The following DYNC2H1 variants were observed in gnomAD, a reference collection of about 807,000 sequenced individuals.
The protein encoded by DYNC2H1 is cytoplasmic dynein 2 heavy chain 1.
Under a neutral mutation model 570.0 loss-of-function variants are expected in DYNC2H1, and 410 were observed. The ratio of observed to expected loss-of-function variants is 0.72; its 90% CI spans 0.66 to 0.78. The LOEUF (loss-of-function observed/expected upper bound fraction) is 0.78, where lower values mean the gene tolerates loss of function less well. Among genes scored for constraint, DYNC2H1 ranks in the 30% least tolerant of loss-of-function variants. DYNC2H1 has a pLI of 0.00. For synonymous variants in DYNC2H1, 1,688 were observed against 1,677.6 expected (o/e 1.01, Z -0.15); for missense variants, 4,865 against 5,046.4 (o/e 0.96, Z 1.09).
intron 87 of DYNC2H1, among the ~76,000 whole-genome samples, chr11:103,457,600 T>C (rs1398530734): frequency 6.6e-6 from 1 of 152,158 alleles, no homozygotes; most frequent in African/African-American, 2.4e-5. Flanking sequence ...TTTTATACTT[T>C]TTGACTCTTA....
chr11:103,390,860 A>C (rs942555452), intron 83 of DYNC2H1, among the ~76,000 whole-genome samples: 25 of 152,218 alleles, frequency 1.6e-4, no homozygotes, highest in Admixed American at 1.3e-3. Flanking sequence ...TTCTGCCAAG[A>C]GATCAGCTGT....
At chr11:103,385,278 T>G (rs1941824814) in intron 83 of DYNC2H1, among the ~76,000 whole-genome samples, 1 of 152,148 alleles carries the variant, frequency 6.6e-6, no homozygotes, top group South Asian at 2.1e-4. Context: ...CTATCTCTCT[T>G]TTCTGGAACT....
At chr11:103,128,170 T>C (rs180953009) in intron 12 of DYNC2H1, among the ~76,000 whole-genome samples, 1 of 152,192 alleles carries the variant, frequency 6.6e-6, no homozygotes, top group African/African-American at 2.4e-5. Context: ...TGGGAGACAA[T>C]TTGAAAGTTT....
At chr11:103,283,841 GA>G (rs919619533) in intron 73 of DYNC2H1, among the ~76,000 whole-genome samples, 2 of 151,054 alleles carry the variant, frequency 1.3e-5, no homozygotes, top group African/African-American at 2.4e-5. Flanking sequence ...TAAAAGAAAT[GA>G]AAAAAAGGGG....
chr11:103,219,143 G>A (rs652834), intron 55 of DYNC2H1, among the ~76,000 whole-genome samples: 141,942 of 152,260 alleles, frequency 0.93, 66,192 homozygotes, highest in African/African-American at 0.94. Context: ...CTTTAATGTC[G>A]GCTATTTGGG....
rs1160724694 is a variant in DYNC2H1, at chr11:103,199,344, A to G, written c.7956A>G (p.Leu2652=). 3 of 1,612,246 alleles carry G rather than the reference A, an allele frequency of 1.9e-6. No homozygotes were observed. The highest frequency in any genetic ancestry group is 1.7e-5 in the Admixed American group (1 of 60,002). The change falls in exon 49 of 89, where the codon CTA becomes CTG. Residue 2652 remains leucine (L), a synonymous_variant. Coordinates refer to ENST00000375735, the MANE Select transcript of DYNC2H1 (RefSeq NM_001377.3). This position sits in a 1 kb window ranked among gnomAD's most constrained non-coding sequence, Gnocchi z 4.6. ...RVLSFPGGSL[L]LAGRSGVGRR... ...TGAGTTTCCCTGGAGGTTCACTTCT[A>G]TTAGCAGGACGCAGTGGTGTAGGTC...
intron 85 of DYNC2H1, among the ~76,000 whole-genome samples, chr11:103,438,246 T>G (rs1349879049): frequency 6.6e-6 from 1 of 152,078 alleles, no homozygotes; most frequent in Non-Finnish European, 1.5e-5. Flanking sequence ...GATATCCATC[T>G]CCCTGAGGTA....
chr11:103,168,635 A>T, intron 31 of DYNC2H1, 120 bp from the exon 32 acceptor site: 1 of 1,053,646 alleles, frequency 9.5e-7, no homozygotes, highest in Non-Finnish European at 1.4e-6. Flanking sequence ...TATACCATTC[A>T]TATGTGTCAT....
intron 83 of DYNC2H1, among the ~76,000 whole-genome samples, chr11:103,386,886 A>T (rs942975871): frequency 6.6e-6 from 1 of 151,164 alleles, no homozygotes; most frequent in Non-Finnish European, 1.5e-5. Context: ...ACATTTTCTT[A>T]ATCCAGTCTA....
intron 69 of DYNC2H1, among the ~76,000 whole-genome samples, chr11:103,258,557 C>T (rs186790920): frequency 8.7e-5 from 13 of 148,576 alleles, no homozygotes; most frequent in Admixed American, 5.9e-4. Flanking sequence ...TTCACTTGCC[C>T]GCCTGGTGCT....
chr11:103,246,999 CT>C (rs369365481), intron 65 of DYNC2H1, among the ~76,000 whole-genome samples: 355 of 143,790 alleles, frequency 2.5e-3, no homozygotes, highest in Middle Eastern at 3.6e-3. Context: ...TCTCTCTCTC[CT>C]TTTTTTTTTT....
At chr11:103,114,445 G>C (rs1858273413) in intron 3 of DYNC2H1, among the ~76,000 whole-genome samples, 1 of 152,206 alleles carries the variant, frequency 6.6e-6, no homozygotes. Flanking sequence ...AGCCTCCAGA[G>C]TAGCTAGAAC....
intron 73 of DYNC2H1, among the ~76,000 whole-genome samples, chr11:103,283,795 CT>C (rs1866238926): frequency 6.6e-6 from 1 of 151,984 alleles, no homozygotes; most frequent in African/African-American, 2.4e-5. Context: ...TTCACCACTA[CT>C]CTTTACTGCC....
intron 76 of DYNC2H1, 143 bp downstream of exon 76, chr11:103,303,396 A>T: frequency 1.2e-6 from 1 of 835,994 alleles, no homozygotes; most frequent in Non-Finnish European, 1.7e-6. Context: ...AGAACTGTGG[A>T]TATGTTATTT....
chr11:103,369,507 C>T lies in DYNC2H1; in HGVS notation c.12156+11148C>T, dbSNP rs1177049021. On this transcript the variant is annotated intron_variant, in intron 83 of 88. Coordinates refer to ENST00000375735, the MANE Select transcript of DYNC2H1 (RefSeq NM_001377.3). This position sits in a 1 kb window ranked among gnomAD's most constrained non-coding sequence, Gnocchi z 4.0. ...GCAGCTAAGGGAATGCTGGCATCAC[C>T]CCTCTCCTAACCTCAGGATACACAG... is the stretch of plus-strand genomic sequence containing the variant. Among the ~76,000 whole-genome samples, 7 of 152,156 alleles carry T rather than the reference C, an allele frequency of 4.6e-5. No homozygotes were observed. Among genetic ancestry groups the T allele is most frequent in the Admixed American group, 3.9e-4 (6 of 15,270 alleles).
chr11:103,256,388 C>A lies in DYNC2H1; in HGVS notation c.10461+148C>A. Reference sequence around the variant, plus strand: ...AAACATCAGAACATTGGGTTTGATTCTAGTTATTGTAGAGAGGGAATTCAG... The same window carrying A: ...AAACATCAGAACATTGGGTTTGATTATAGTTATTGTAGAGAGGGAATTCAG... On this transcript the variant is annotated intron_variant, in intron 68 of 88. Transcript: ENST00000375735. The surrounding 1 kb of genome is among the most constrained non-coding windows in gnomAD (Gnocchi z 4.0). 2.4e-6 allele frequency: 2 copies of A among 816,766 alleles called. No homozygotes were observed. The highest frequency in any genetic ancestry group is 3.7e-6 in the Non-Finnish European group (2 of 544,820). The allele number at this position is 816,766 out of a possible 1,614,324, so 50.6% of individuals were successfully genotyped here.
In DYNC2H1 at chr11:103,243,033, A is replaced by G. The variant is rs1030231257; in HGVS notation, c.9820-660A>G. The stretch of plus-strand genomic sequence containing the variant: ...TTTTTTAGAATTTAATTAGTGCAGG[A>G]TGTTCTATAATGAATTTAGTTTTTA... On this transcript the variant is annotated intron_variant, in intron 63 of 88. Coordinates refer to ENST00000375735, the MANE Select transcript of DYNC2H1 (RefSeq NM_001377.3). This position sits in a 1 kb window ranked among gnomAD's most constrained non-coding sequence, Gnocchi z 4.8. Among the ~76,000 whole-genome samples the G allele has an allele frequency of 6.6e-6, 1 of 152,022 alleles. No individual in the cohort carries two copies. The highest frequency in any genetic ancestry group is 1.5e-5 in the Non-Finnish European group (1 of 68,002).
At chr11:103,327,231 G>T (rs959460817) in intron 82 of DYNC2H1, among the ~76,000 whole-genome samples, 10 of 151,750 alleles carry the variant, frequency 6.6e-5, no homozygotes, top group African/African-American at 2.2e-4. Context: ...TTGATAATTT[G>T]GTATCTCTCA....
Position 103,157,310 on chromosome 11 carries a change from T to C in DYNC2H1, c.4127+540T>C, listed in dbSNP as rs1205183405. On this transcript the variant is annotated intron_variant, in intron 26 of 88. Transcript: ENST00000375735. The surrounding 1 kb of genome is among the most constrained non-coding windows in gnomAD (Gnocchi z 4.2). ...CTGCCAGCATCAGTTCTCTTTTATATGCTGAGGTCTCCTCAACTTACATGT... is the reference window on the plus strand; with the variant it reads ...CTGCCAGCATCAGTTCTCTTTTATACGCTGAGGTCTCCTCAACTTACATGT... Among the ~76,000 whole-genome samples the C allele has an allele frequency of 6.6e-6, 1 of 152,220 alleles. No individual in the cohort carries two copies. The highest frequency in any genetic ancestry group is 2.4e-5 in the African/African-American group (1 of 41,460).
Sources: gnomAD v4.1 joint callset for allele counts (sites outside exome capture counted in the v4.1 genomes callset) on GRCh38, gnomAD v4.1.1 for gene constraint, Gnocchi (gnomAD v3.1) non-coding constraint, MANE v1.5 for transcripts, NCBI Gene and HGNC (gene_info 2026-07-23, HGNC 2026-07-21) for gene names.